The following PIBF1 variants were observed in gnomAD, a reference collection of about 807,000 sequenced individuals.
PIBF1 encodes the protein progesterone immunomodulatory binding factor 1.
A neutral mutation model predicts 112.5 loss-of-function variants in PIBF1; 90 were observed. The ratio of observed to expected loss-of-function variants is 0.80; its 90% confidence interval spans 0.67 to 0.95. The LOEUF is 0.95. Among genes scored for constraint, PIBF1 ranks in the 40% least tolerant of loss-of-function variants. The probability of loss-of-function intolerance (pLI) is 0.00; values close to 1 mark genes in which losing one functional copy is unlikely to be tolerated. For synonymous variants in PIBF1, 301 were observed against 288.6 expected (o/e 1.04, Z -0.44); for missense variants, 915 against 852.3 (o/e 1.07, Z -0.92).
At chr13:72,954,977 T>C (rs13378318) in intron 14 of PIBF1, among the ~76,000 whole-genome samples, 3 of 152,324 alleles carry the variant, frequency 2.0e-5, no homozygotes, top group East Asian at 1.9e-4. Context: ...CAGAGCCACC[T>C]GGATCCTCTA....
At chr13:72,969,302 G>A (rs1194707503) in intron 15 of PIBF1, among the ~76,000 whole-genome samples, 1 of 151,834 alleles carries the variant, frequency 6.6e-6, no homozygotes, top group Non-Finnish European at 1.5e-5. Flanking sequence ...CTTAATAACA[G>A]CAACGGTTTT....
intron 10 of PIBF1, among the ~76,000 whole-genome samples, chr13:72,886,375 G>A (rs1407379073): frequency 6.6e-6 from 1 of 151,670 alleles, no homozygotes; most frequent in Admixed American, 6.6e-5. Context: ...AGGGTTTGTT[G>A]TCATGTTGAC....
At chr13:72,782,828 C>T (rs1190621085) in intron 1 of PIBF1, among the ~76,000 whole-genome samples, 1 of 151,646 alleles carries the variant, frequency 6.6e-6, no homozygotes, top group African/African-American at 2.4e-5. Context: ...GAATAAAATC[C>T]AACCCTATTT....
At chr13:72,918,211 A>G (rs1413875886) in intron 13 of PIBF1, among the ~76,000 whole-genome samples, 2 of 152,070 alleles carry the variant, frequency 1.3e-5, no homozygotes, top group Non-Finnish European at 2.9e-5. Context: ...CTATCTCTCC[A>G]GCCTTATTTG....
intron 9 of PIBF1, among the ~76,000 whole-genome samples, chr13:72,839,792 G>T (rs2037523667): frequency 6.6e-6 from 1 of 152,134 alleles, no homozygotes; most frequent in Non-Finnish European, 1.5e-5. Flanking sequence ...GTAGGGGTAG[G>T]TTGGTAGGTA....
At chr13:72,903,141 C>T (rs1383535218) in intron 11 of PIBF1, among the ~76,000 whole-genome samples, 1 of 152,072 alleles carries the variant, frequency 6.6e-6, no homozygotes, top group East Asian at 1.9e-4. Context: ...CAAGTGATTC[C>T]CCCTGCCTCA....
rs1333635698 is a variant in PIBF1 at position 72,969,037 on chromosome 13, A to T, written c.1964+3633A>T. Reference sequence around the variant, plus strand: ...AAAGCAAAACTCTGTCTCAAAAAAAAAATAAAAATAAAAATAATGAGAGTG... The same window carrying T: ...AAAGCAAAACTCTGTCTCAAAAAAATAATAAAAATAAAAATAATGAGAGTG... On this transcript the variant is annotated intron_variant, in intron 15 of 17. Transcript: ENST00000326291. Among the ~76,000 whole-genome samples the T allele has an allele frequency of 2.0e-5, 3 of 152,078 alleles. 1 individual carries two copies. The East Asian group carries it at 5.8e-4, about 29-fold the overall frequency.
rs1555316933 is a variant in PIBF1, at chr13:72,927,994, C to CATATATATAT, written c.1731-3170_1731-3169insTATATATATA. ...ATATATATACATATATATATACACA[C>CATATATATAT]ACATATATATACATATATATACATA... On this transcript the variant is annotated intron_variant, in intron 13 of 17. Transcript: ENST00000326291. 1.3e-3 allele frequency among the ~76,000 whole-genome samples: 105 copies of CATATATATAT among 79,944 alleles called. 2 individuals carry two copies. Among genetic ancestry groups the CATATATATAT allele is most frequent in the African/African-American group, 5.6e-3 (89 of 15,852 alleles). 52.4% of individuals were successfully genotyped at this position (79,944 alleles called of 152,430 possible).
At chr13:72,954,792 T>G (rs1157098362) in intron 14 of PIBF1, among the ~76,000 whole-genome samples, 1 of 152,224 alleles carries the variant, frequency 6.6e-6, no homozygotes, top group Non-Finnish European at 1.5e-5. Context: ...GTTCTTCTGT[T>G]AAATTCTTGT....
At chr13:72,825,735 A>G (rs990331769) in intron 6 of PIBF1, among the ~76,000 whole-genome samples, 1 of 152,174 alleles carries the variant, frequency 6.6e-6, no homozygotes, top group Non-Finnish European at 1.5e-5. Flanking sequence ...ATTACAAAAC[A>G]AATACAACAG....
chr13:72,968,307 T>C (rs1296435334), intron 15 of PIBF1, among the ~76,000 whole-genome samples: 4 of 151,976 alleles, frequency 2.6e-5, no homozygotes, highest in Admixed American at 6.6e-5. Context: ...TTTTTTTCTT[T>C]TCTTTTCTTT....
Position 72,896,224 on chromosome 13 carries a change from C to T in PIBF1, c.1488+2275C>T, listed in dbSNP as rs530142494. Among the ~76,000 whole-genome samples, 8 of 152,132 alleles carry T rather than the reference C, an allele frequency of 5.3e-5. 1 individual carries two copies. The South Asian group carries it at 1.2e-3, about 24-fold the overall frequency. On this transcript the variant is annotated intron_variant, in intron 11 of 17. Transcript: ENST00000326291. ...ACAACAATCACTGCATTTTGGCTCACGGGAAGCCACATCCACAGGAAAAGG... is the reference window on the plus strand; with the variant it reads ...ACAACAATCACTGCATTTTGGCTCATGGGAAGCCACATCCACAGGAAAAGG...
chr13:72,804,641 C>T (rs1270024003), intron 5 of PIBF1, among the ~76,000 whole-genome samples: 2 of 152,142 alleles, frequency 1.3e-5, no homozygotes, highest in Admixed American at 6.5e-5. Flanking sequence ...ATGTGGCCCA[C>T]TTCAAGAGAG....
At chr13:72,805,189 C>A (rs2035665300) in intron 5 of PIBF1, among the ~76,000 whole-genome samples, 1 of 152,170 alleles carries the variant, frequency 6.6e-6, no homozygotes, top group African/African-American at 2.4e-5. Context: ...GTCGCCCAGG[C>A]TGGCATGCAG....
At chr13:72,955,818 C>A (rs769772263) in intron 14 of PIBF1, among the ~76,000 whole-genome samples, 33 of 152,152 alleles carry the variant, frequency 2.2e-4, no homozygotes, top group Non-Finnish European at 3.4e-4. Flanking sequence ...CATTACAAGT[C>A]CCTGTCTCAT....
intron 16 of PIBF1, among the ~76,000 whole-genome samples, chr13:72,991,281 G>A (rs9543190): frequency 0.39 from 51,200 of 130,998 alleles, 8,940 homozygotes; most frequent in African/African-American, 0.49. Context: ...TTATGCAGTC[G>A]TCATCATCAT....
chr13:72,922,613 C>T (rs915764011), intron 13 of PIBF1, among the ~76,000 whole-genome samples: 1 of 152,198 alleles, frequency 6.6e-6, no homozygotes, highest in South Asian at 2.1e-4. Flanking sequence ...ACTATAGTTT[C>T]TCTCGTTTTA....
In PIBF1 at chr13:72,949,099, A is replaced by G. The variant is rs372533612; in HGVS notation, c.1834-16175A>G. ...TTATTAGCTATATTTAACATATTGA[A>G]GAAGAAAAACAGAGAACATACTGAA... On this transcript the variant is annotated intron_variant, in intron 14 of 17. Transcript: ENST00000326291. Among the ~76,000 whole-genome samples, 20 of 152,322 alleles carry G rather than the reference A, an allele frequency of 1.3e-4. No individual in the cohort carries two copies. In the East Asian group the frequency reaches 3.7e-3, roughly 28 times the overall value.
intron 10 of PIBF1, among the ~76,000 whole-genome samples, chr13:72,884,228 T>C (rs2039756278): frequency 6.6e-6 from 1 of 152,202 alleles, no homozygotes; most frequent in Non-Finnish European, 1.5e-5. Context: ...AATGTTAGAC[T>C]CCTTTCCTTC....
Sources: allele counts gnomAD v4.1 joint callset (sites outside exome capture counted in the v4.1 genomes callset), GRCh38; gene constraint gnomAD v4.1.1; transcripts MANE v1.5; gene names NCBI Gene and HGNC (gene_info 2026-07-23, HGNC 2026-07-21).